Variants in FEZ2 observed in about 807,000 individuals in gnomAD.
FEZ2 encodes the protein fasciculation and elongation protein zeta-2.
A neutral mutation model predicts 40.4 loss-of-function variants in FEZ2; 51 were observed. That is an observed-to-expected ratio of 1.26 (90% CI 1.01 to 1.59). The LOEUF (loss-of-function observed/expected upper bound fraction) is 1.59, where lower values mean the gene tolerates loss of function less well. FEZ2 is among the 40% of genes most tolerant of loss of function. The pLI is 0.00. For missense variants in FEZ2, 640 were observed against 438.3 expected (o/e 1.46, Z -4.11); for synonymous variants, 242 against 172.0 (o/e 1.41, Z -3.18).
At position 36,581,420 on chromosome 2, in the gene FEZ2, T is replaced by G. The variant is rs1668744575; in HGVS notation, c.504A>C (p.Glu168Asp). Residue 168 changes from glutamate to aspartate, a missense_variant, in exon 4 of 8, where the codon GAA becomes GAC. Coordinates refer to ENST00000405912, the MANE Select transcript of FEZ2 (RefSeq NM_005102.3). ...PLFTADQVIE[E>D]IEEMMQESPD... ...GTGATTCCTGCATCATTTCTTCAAT[T>G]TCTTCAATAACCTTCGAAAACACAC... 4 of 1,613,486 alleles carry G rather than the reference T, an allele frequency of 2.5e-6. No homozygotes were observed. The highest frequency in any genetic ancestry group is 3.4e-6 in the Non-Finnish European group (4 of 1,179,588).
At chr2:36,595,079 T>A (rs1359101256) in intron 1 of FEZ2, among the ~76,000 whole-genome samples, 1 of 152,074 alleles carries the variant, frequency 6.6e-6, no homozygotes, top group Non-Finnish European at 1.5e-5. Context: ...CCTGCCAACA[T>A]CGAATCCTGC....
intron 5 of FEZ2, among the ~76,000 whole-genome samples, chr2:36,570,199 A>G (rs1262485342): frequency 6.6e-6 from 1 of 152,040 alleles, no homozygotes; most frequent in Non-Finnish European, 1.5e-5. Flanking sequence ...AGCAGTTATA[A>G]AAGCAAATTC....
rs1667856048 is a variant in FEZ2 at position 36,552,925 on chromosome 2, AAG to A, written c.*236_*237del. The A allele has an allele frequency of 5.8e-6, 3 of 514,806 alleles. No homozygotes were observed. Among genetic ancestry groups the A allele is most frequent in the African/African-American group, 5.8e-5 (3 of 51,526 alleles). The allele number at this position is 514,806 out of a possible 1,614,324, so 31.9% of individuals were successfully genotyped here. A position where few individuals can be genotyped will look rare whatever the true frequency, so the allele number is the denominator to read the frequency against. ...TAATATTACTCTCTCTTAATCTACT[AAG>A]AGAACAGTTTATTAGTAGATTTAAC... On this transcript the variant is annotated 3_prime_UTR_variant, in exon 8 of 8. Transcript: ENST00000405912.
In FEZ2 at chr2:36,555,575, T is replaced by A. The variant is rs1192316525; in HGVS notation, c.1045+108A>T. 9.1e-6 allele frequency: 5 copies of A among 551,280 alleles called. No individual in the cohort carries two copies. In the African/African-American group the frequency reaches 9.7e-5, roughly 11 times the overall value. The allele number at this position is 551,280 out of a possible 1,614,324, so 34.1% of individuals were successfully genotyped here. On this transcript the variant is annotated intron_variant, in intron 7 of 7. Coordinates refer to ENST00000405912, the MANE Select transcript of FEZ2 (RefSeq NM_005102.3). ...TCCTCACCCTGCATAATAAGATTAA[T>A]GAAAGTTGTGCATTGGGAAGTTACT...
intron 5 of FEZ2, among the ~76,000 whole-genome samples, chr2:36,574,698 T>C (rs1219276417): frequency 1.3e-5 from 2 of 151,018 alleles, no homozygotes; most frequent in Non-Finnish European, 2.9e-5. Flanking sequence ...AGGAATTTGA[T>C]TCCAGAAGAA....
intron 5 of FEZ2, chr2:36,561,534 C>G (rs906598286): frequency 1.3e-5 from 2 of 152,226 alleles, no homozygotes; most frequent in African/African-American, 4.8e-5. Context: ...TTTCTCCCAG[C>G]AACCTCCAAG....
At chr2:36,584,142 C>T (rs192838343) in intron 2 of FEZ2, 1 of 152,386 alleles carries the variant, frequency 6.6e-6, no homozygotes, top group Admixed American at 6.5e-5. Flanking sequence ...CATTGGCAGA[C>T]ACTGGCAGAC....
intron 5 of FEZ2, among the ~76,000 whole-genome samples, chr2:36,561,712 A>G (rs915153971): frequency 6.6e-6 from 1 of 152,052 alleles, no homozygotes; most frequent in African/African-American, 2.4e-5. Context: ...ATGACTAATT[A>G]AGGGGAAAGG....
intron 5 of FEZ2, among the ~76,000 whole-genome samples, chr2:36,573,180 C>A (rs535084218): frequency 1.3e-3 from 195 of 152,298 alleles, no homozygotes; most frequent in African/African-American, 4.5e-3. Flanking sequence ...ATCTTCTCAA[C>A]AAGACTTAGC....
At chr2:36,557,974 C>T (rs1432576995) in intron 6 of FEZ2, 1 of 152,440 alleles carries the variant, frequency 6.6e-6, no homozygotes, top group Admixed American at 6.5e-5. Flanking sequence ...TGAATGAATG[C>T]ATGTTCTTAA....
Position 36,591,066 on chromosome 2 carries a change from TAAAC to T in FEZ2, c.267-59_267-56del, listed in dbSNP as rs1669059211. 5.7e-6 allele frequency: 6 copies of T among 1,052,952 alleles called. No homozygotes were observed. The Admixed American group carries it at 9.0e-5, about 16-fold the overall frequency. 65.2% of individuals were successfully genotyped at this position (1,052,952 alleles called of 1,614,324 possible). ...AAATTAACATTCTGTATGTCTTTCT[TAAAC>T]AAATATTCAGTGAAAGATGAACAGC... On this transcript the variant is annotated intron_variant, in intron 1 of 7. Transcript: ENST00000405912.
chr2:36,565,994 T>C (rs1369015173), intron 5 of FEZ2, among the ~76,000 whole-genome samples: 1 of 152,102 alleles, frequency 6.6e-6, no homozygotes, highest in Admixed American at 6.5e-5. Flanking sequence ...CATTGGATGG[T>C]TCATCATTCA....
At chr2:36,562,673 T>C (rs1464455466) in intron 5 of FEZ2, among the ~76,000 whole-genome samples, 1 of 152,204 alleles carries the variant, frequency 6.6e-6, no homozygotes, top group Non-Finnish European at 1.5e-5. Context: ...AGAAAACTAT[T>C]TCTGTAAATT....
At chr2:36,588,892 T>C (rs540234659) in intron 2 of FEZ2, among the ~76,000 whole-genome samples, 1 of 152,264 alleles carries the variant, frequency 6.6e-6, no homozygotes. Context: ...ACTGTCTCAC[T>C]CACGCTGCTA....
intron 5 of FEZ2, among the ~76,000 whole-genome samples, chr2:36,561,764 C>G (rs531212210): frequency 3.4e-4 from 52 of 152,298 alleles, no homozygotes; most frequent in African/African-American, 1.2e-3. Flanking sequence ...CTTGATGGTT[C>G]CTTCCCCTGG....
chr2:36,556,238 CA>C, intron 6 of FEZ2: 2 of 233,424 alleles, frequency 8.6e-6, no homozygotes, highest in Non-Finnish European at 1.8e-5. Context: ...AGAAAAGACC[CA>C]AATGAAGAAC....
intron 1 of FEZ2, among the ~76,000 whole-genome samples, chr2:36,595,133 A>G (rs1573036231): frequency 6.6e-6 from 1 of 152,214 alleles, no homozygotes. Flanking sequence ...AATACAATCC[A>G]TATTTAACCA....
At chr2:36,569,588 G>C (rs1208456522) in intron 5 of FEZ2, among the ~76,000 whole-genome samples, 1 of 152,232 alleles carries the variant, frequency 6.6e-6, no homozygotes, top group East Asian at 1.9e-4. Context: ...CAGATACAGT[G>C]CTGCAGTTTG....
intron 1 of FEZ2, among the ~76,000 whole-genome samples, chr2:36,592,377 T>C (rs1488593529): frequency 6.6e-6 from 1 of 152,138 alleles, no homozygotes; most frequent in Non-Finnish European, 1.5e-5. Flanking sequence ...ACCCATCACC[T>C]AGGTATTAAG....
Sources: allele counts gnomAD v4.1 joint callset (sites outside exome capture counted in the v4.1 genomes callset), GRCh38; gene constraint gnomAD v4.1.1; transcripts MANE v1.5; gene names NCBI Gene and HGNC (gene_info 2026-07-23, HGNC 2026-07-21).